SLC38A5: variants seen among roughly 807,000 people sequenced by gnomAD.
SLC38A5 encodes the protein sodium-coupled neutral amino acid transporter 5.
A neutral mutation model predicts 34.6 loss-of-function variants in SLC38A5; 9 were observed. The ratio of observed to expected loss-of-function variants is 0.26; its 90% confidence interval spans 0.16 to 0.45. SLC38A5 has a LOEUF of 0.45. Ranked by LOEUF, SLC38A5 falls within the 20% of genes least tolerant of loss-of-function variation. SLC38A5 has a pLI of 1.00. For synonymous variants in SLC38A5, 157 were observed against 155.6 expected (o/e 1.01, Z -0.07); for missense variants, 253 against 394.7 (o/e 0.64, Z 3.04).
chrX:48,464,564 G>A (rs1230449529), intron 8 of SLC38A5, among the ~76,000 whole-genome samples: 1 of 112,287 alleles, frequency 8.9e-6, no homozygotes, highest in African/African-American at 3.2e-5. Context: ...GGGAGGCCAA[G>A]GCAAGCAGAT....
At chrX:48,466,358 A>G (rs782474061) in intron 6 of SLC38A5, 36 bp from the exon 7 acceptor site, 8 of 1,159,401 alleles carry the variant, frequency 6.9e-6, no homozygotes, top group Non-Finnish European at 9.3e-6. Context: ...TTGAAGGTCC[A>G]GGAGGCCAGG....
intron 11 of SLC38A5, 39 bp downstream of exon 11, chrX:48,461,968 C>A (rs1039375826): frequency 8.7e-7 from 1 of 1,144,525 alleles, no homozygotes; most frequent in East Asian, 3.0e-5. Flanking sequence ...ACCAGAGGGC[C>A]TGAGTGTGAT....
chrX:48,468,003 G>A (rs915506442), intron 2 of SLC38A5, 78 bp from the exon 3 acceptor site: 1 of 936,655 alleles, frequency 1.1e-6, no homozygotes, highest in African/African-American at 2.0e-5. Flanking sequence ...GAAGAAGGGG[G>A]GAGGGGAGTC....
Position 48,466,020 on chromosome X carries a change from G to C in SLC38A5, c.486C>G (p.Pro162=), listed in dbSNP as rs927171298. ...AAGGGGTGTTGCTCACTCACCCCTCGGGGTCCATGTACAGGAAGGTGCCGA... is the reference window on the plus strand; with the variant it reads ...AAGGGGTGTTGCTCACTCACCCCTCCGGGTCCATGTACAGGAAGGTGCCGA... ...LVIGTFLYMD[P]EGDWFLKGNL... The change falls in exon 8 of 17, where the codon CCC becomes CCG. Residue 162 remains proline, a synonymous_variant. Transcript: ENST00000620913. 8.4e-7 allele frequency: 1 copy of C among 1,193,191 alleles called. No homozygotes were observed.
chrX:48,459,960 T>C, intron 14 of SLC38A5, 84 bp from the exon 15 acceptor site: 1 of 1,100,346 alleles, frequency 9.1e-7, no homozygotes, highest in Admixed American at 3.0e-5. Flanking sequence ...AGCTCCACCC[T>C]CTGGCTGAGA....
At chrX:48,468,956 G>A (rs1056157372) in intron 2 of SLC38A5, 74 of 750,964 alleles carry the variant, frequency 9.9e-5, no homozygotes, top group Non-Finnish European at 1.2e-4. Flanking sequence ...TAGGTACAGC[G>A]TCTCTGAAGA....
chrX:48,463,253 G>A (rs1218856663), intron 8 of SLC38A5, among the ~76,000 whole-genome samples: 5 of 112,418 alleles, frequency 4.4e-5, no homozygotes, highest in African/African-American at 9.7e-5. Flanking sequence ...ATCAGACTTC[G>A]CAAGTGGTTG....
chrX:48,463,880 A>AAAGAAAGAAAGAAAGC, intron 8 of SLC38A5, among the ~76,000 whole-genome samples: 1 of 105,980 alleles, frequency 9.4e-6, no homozygotes, highest in East Asian at 2.9e-4. Flanking sequence ...AGAAAGAAAG[A>AAAGAAAGAAAGAAAGC]AAGAAAGAAA....
At chrX:48,468,070 C>T in intron 2 of SLC38A5, 145 bp from the exon 3 acceptor site, 1 of 834,773 alleles carries the variant, frequency 1.2e-6, no homozygotes, top group Non-Finnish European at 1.7e-6. Flanking sequence ...CAGGAACAGA[C>T]AGGGATAGAA....
intron 8 of SLC38A5, among the ~76,000 whole-genome samples, chrX:48,463,905 AAGAAAG>A (rs2061457106): frequency 9.3e-6 from 1 of 107,025 alleles, no homozygotes; most frequent in Non-Finnish European, 1.9e-5. Flanking sequence ...GAAAGAAAGA[AAGAAAG>A]AGAAAGAAAG....
At chrX:48,467,448 C>A in intron 4 of SLC38A5, 1 of 421,065 alleles carries the variant, frequency 2.4e-6, no homozygotes, top group Non-Finnish European at 4.1e-6. Context: ...AAAGGCAGGC[C>A]GGGAGGGGAG....
At position 48,458,579 on chromosome X, in the gene SLC38A5, C is replaced by A. The variant is rs902537808; in HGVS notation, c.*354G>T. The A allele has an allele frequency of 8.3e-6, 7 of 846,510 alleles. No individual in the cohort carries two copies. The highest frequency in any genetic ancestry group is 8.6e-6 in the Non-Finnish European group (6 of 697,585). The allele number at this position is 846,510 out of a possible 1,213,427, so 69.8% of individuals were successfully genotyped here. The stretch of plus-strand genomic sequence containing the variant: ...ACATCTTTATTTTTCCTCTTTAGCC[C>A]GAGGGTAATCCTGACAAACAGCTTC... On this transcript the variant is annotated 3_prime_UTR_variant, in exon 17 of 17. Coordinates refer to ENST00000620913, the MANE Select transcript of SLC38A5 (RefSeq NM_033518.4).
chrX:48,460,949 TC>T, intron 13 of SLC38A5, 36 bp downstream of exon 13: 1 of 1,087,547 alleles, frequency 9.2e-7, no homozygotes, highest in Non-Finnish European at 1.3e-6. Flanking sequence ...CCCCAGGCCT[TC>T]CCCCTCCCCC....
intron 6 of SLC38A5, 63 bp from the exon 7 acceptor site, chrX:48,466,385 G>A: frequency 9.3e-7 from 1 of 1,075,826 alleles, no homozygotes; most frequent in Non-Finnish European, 1.3e-6. Context: ...GTGCAGGCCA[G>A]AGGGCCCAGG....
In SLC38A5 at chrX:48,458,681, CTCCTCCTCCTCCTCTTCT is replaced by C. The variant is rs1251602388; in HGVS notation, c.*234_*251del. On this transcript the variant is annotated 3_prime_UTR_variant, in exon 17 of 17. Coordinates refer to ENST00000620913, the MANE Select transcript of SLC38A5 (RefSeq NM_033518.4). ...TGGCCTCCTCCTCCTCCTCCTCCTC[CTCCTCCTCCTCCTCTTCT>C]TCCTCCTCCTCCTCCTCCCATGGGG... 3.6e-5 allele frequency: 36 copies of C among 988,142 alleles called. No homozygotes were observed. Among genetic ancestry groups the C allele is most frequent in the Middle Eastern group, 4.2e-4 (1 of 2,390 alleles). The allele number at this position is 988,142 out of a possible 1,213,427, so 81.4% of individuals were successfully genotyped here.
At chrX:48,461,394 G>A (rs1438371319) in intron 12 of SLC38A5, among the ~76,000 whole-genome samples, 1 of 110,865 alleles carries the variant, frequency 9.0e-6, no homozygotes, top group Non-Finnish European at 1.9e-5. Flanking sequence ...CCCTGCCTCC[G>A]CCTCTGTCTG....
At chrX:48,463,897 AAGAAAGAAAGAAAGAG>A (rs2061456541) in intron 8 of SLC38A5, among the ~76,000 whole-genome samples, 1 of 106,629 alleles carries the variant, frequency 9.4e-6, no homozygotes, top group African/African-American at 3.4e-5. Flanking sequence ...GAAAGAAAGA[AAGAAAGAAAGAAAGAG>A]AAAGAAAGAA....
chrX:48,463,909 A>AAGAG (rs201338557), intron 8 of SLC38A5, among the ~76,000 whole-genome samples: 3 of 100,519 alleles, frequency 3.0e-5, no homozygotes, highest in Non-Finnish European at 4.1e-5. Flanking sequence ...GAAAGAAAGA[A>AAGAG]AGAGAAAGAA....
At chrX:48,468,070 C>A in intron 2 of SLC38A5, 145 bp from the exon 3 acceptor site, 1 of 834,773 alleles carries the variant, frequency 1.2e-6, no homozygotes, top group Non-Finnish European at 1.7e-6. Flanking sequence ...CAGGAACAGA[C>A]AGGGATAGAA....
Sources: gnomAD v4.1 joint callset for allele counts (sites outside exome capture counted in the v4.1 genomes callset) on GRCh38, gnomAD v4.1.1 for gene constraint, MANE v1.5 for transcripts, NCBI Gene and HGNC (gene_info 2026-07-23, HGNC 2026-07-21) for gene names.